Variants in RYR3 observed in about 807,000 individuals in gnomAD.
The protein encoded by RYR3 is ryanodine receptor 3, also known as brain ryanodine receptor-calcium release channel.
Under a neutral mutation model 584.3 loss-of-function variants are expected in RYR3, and 207 were observed. That is an observed-to-expected ratio of 0.35 (90% CI 0.32 to 0.40). The LOEUF is 0.40. RYR3 is among the 10% of genes least tolerant of loss of function. The probability of loss-of-function intolerance (pLI) is 1.00; values close to 1 mark genes in which losing one functional copy is unlikely to be tolerated. For synonymous variants in RYR3, 2,416 were observed against 2,248.5 expected (o/e 1.07, Z -2.11); for missense variants, 5,616 against 6,089.2 (o/e 0.92, Z 2.59).
At chr15:33,312,157 G>A (rs1377801346) in intron 1 of RYR3, among the ~76,000 whole-genome samples, 1 of 152,170 alleles carries the variant, frequency 6.6e-6, no homozygotes, top group Non-Finnish European at 1.5e-5. Context: ...TTTTATATGC[G>A]CTGCCTTGCT....
rs1193929567 is a variant in RYR3 at position 33,636,421 on chromosome 15, C to A, written c.3427C>A (p.Gln1143Lys). The A allele has an allele frequency of 6.2e-7, 1 of 1,613,928 alleles. No homozygotes were observed. The highest frequency in any genetic ancestry group is 8.5e-7 in the Non-Finnish European group (1 of 1,179,844). The change falls in exon 27 of 104, where the codon CAG (glutamine) becomes AAG (lysine). Residue 1143 changes from glutamine (Q) to lysine (K), a missense_variant. Around this residue, in one of 9 missense-constraint regions of RYR3, gnomAD observed 152 missense variants for 200.9 expected, o/e 0.76. Coordinates refer to ENST00000634891, the MANE Select transcript of RYR3 (RefSeq NM_001036.6). ...AAGTGGGTATTTTGGGCGTACCTGG[C>A]AGCCAGGGGATGTGGTCGGATGTAT... ...QGSGYFGRTW[Q>K]PGDVVGCMIN...
chr15:33,835,333 C>G (rs1460361683), intron 87 of RYR3, among the ~76,000 whole-genome samples: 1 of 152,218 alleles, frequency 6.6e-6, no homozygotes, highest in Non-Finnish European at 1.5e-5. Flanking sequence ...ATTGCCTCAA[C>G]ATTTGCTTTC....
At chr15:33,395,205 CT>C (rs1444622090) in intron 1 of RYR3, among the ~76,000 whole-genome samples, 1 of 152,228 alleles carries the variant, frequency 6.6e-6, no homozygotes, top group African/African-American at 2.4e-5. Context: ...GTGCTTATAG[CT>C]GTGTACACAT....
chr15:33,664,538 C>T (rs1295783717), intron 36 of RYR3, among the ~76,000 whole-genome samples: 2 of 142,410 alleles, frequency 1.4e-5, no homozygotes, highest in African/African-American at 5.3e-5. Context: ...GAAACCAGAT[C>T]TTTGGATTAT....
chr15:33,571,369 G>T (rs1225263062), intron 12 of RYR3, among the ~76,000 whole-genome samples: 3 of 152,056 alleles, frequency 2.0e-5, no homozygotes, highest in African/African-American at 7.2e-5. Context: ...TGTTAATATG[G>T]TTTATTACAT....
chr15:33,642,546 T>C (rs1456683618), intron 27 of RYR3, among the ~76,000 whole-genome samples: 1 of 152,252 alleles, frequency 6.6e-6, no homozygotes, highest in East Asian at 1.9e-4. Context: ...GATACTTTCT[T>C]CTTCCTTCAC....
rs1196493043 is a variant in RYR3, at chr15:33,726,385, G to T, written c.6913-1G>T. The T allele has an allele frequency of 1.2e-6, 2 of 1,613,060 alleles. No individual in the cohort carries two copies. Among genetic ancestry groups the T allele is most frequent in the Non-Finnish European group, 1.7e-6 (2 of 1,179,574 alleles). On this transcript the variant is annotated splice_acceptor_variant, in intron 45 of 103. Coordinates refer to ENST00000634891, the MANE Select transcript of RYR3 (RefSeq NM_001036.6). LOFTEE classifies it high-confidence loss of function. ...ATGTCATTCTCAACCCTATCTTCCA[G>T]CTCATCCAGACAGGAAAGGGGGAAG...
At chr15:33,358,971 AT>A (rs997101077) in intron 1 of RYR3, among the ~76,000 whole-genome samples, 4 of 152,120 alleles carry the variant, frequency 2.6e-5, no homozygotes, top group Non-Finnish European at 4.4e-5. Flanking sequence ...TATTTTAAGT[AT>A]TTTTCAGGTG....
chr15:33,602,071 C>T (rs1256940194), intron 17 of RYR3, among the ~76,000 whole-genome samples: 1 of 152,190 alleles, frequency 6.6e-6, no homozygotes, highest in African/African-American at 2.4e-5. Context: ...GCACGTGAGT[C>T]ATGTGAACTC....
At chr15:33,787,087 G>A (rs1000261348) in intron 66 of RYR3, among the ~76,000 whole-genome samples, 2 of 152,216 alleles carry the variant, frequency 1.3e-5, no homozygotes, top group African/African-American at 4.8e-5. Context: ...GAGGGAAAGT[G>A]TCACAACGTG....
chr15:33,813,334 C>G, intron 73 of RYR3, 133 bp from the exon 74 acceptor site: 2 of 723,744 alleles, frequency 2.8e-6, no homozygotes, highest in Non-Finnish European at 2.4e-6. Flanking sequence ...TCATCTGCTC[C>G]TGGGTGCATT....
intron 32 of RYR3, 105 bp downstream of exon 32, chr15:33,652,988 T>A: frequency 8.1e-7 from 1 of 1,237,078 alleles, no homozygotes; most frequent in Non-Finnish European, 1.1e-6. Context: ...TGTGTCAAGC[T>A]GATGAGCCCA....
At chr15:33,424,697 T>C (rs1393793597) in intron 1 of RYR3, among the ~76,000 whole-genome samples, 1 of 152,222 alleles carries the variant, frequency 6.6e-6, no homozygotes, top group Non-Finnish European at 1.5e-5. Context: ...TAGGCTCACC[T>C]ATCTCTGTTA....
At chr15:33,810,912 C>T in intron 71 of RYR3, 66 bp from the exon 72 acceptor site, 1 of 1,340,948 alleles carries the variant, frequency 7.5e-7, no homozygotes, top group Non-Finnish European at 1.1e-6. Flanking sequence ...CTCCATACAT[C>T]CCCATATGCT....
chr15:33,704,324 C>T (rs2066528410), intron 42 of RYR3, among the ~76,000 whole-genome samples: 1 of 151,844 alleles, frequency 6.6e-6, no homozygotes, highest in African/African-American at 2.4e-5. Flanking sequence ...TGAAAGAAGT[C>T]CCAGTCAATA....
At chr15:33,483,182 C>T (rs1185321968) in intron 2 of RYR3, among the ~76,000 whole-genome samples, 1 of 151,880 alleles carries the variant, frequency 6.6e-6, no homozygotes, top group East Asian at 1.9e-4. Flanking sequence ...TCTTTCTCCC[C>T]TTCCATTATC....
rs765557026 is a variant in RYR3 at position 33,825,627 on chromosome 15, G to A, written c.11097G>A (p.Glu3699=). Residue 3699 remains glutamate, a synonymous_variant, in exon 82 of 104, where the codon GAG becomes GAA. Transcript: ENST00000634891. ...GTGTCCTTGATTTGAATGCATTTGA[G>A]AGGCAGAATAAAGCTGAAGGCCTGG... ...SCSVLDLNAF[E]RQNKAEGLGM... 6.5e-5 allele frequency: 105 copies of A among 1,610,792 alleles called. No individual in the cohort carries two copies. The highest frequency in any genetic ancestry group is 8.4e-5 in the Non-Finnish European group (99 of 1,177,968).
At chr15:33,727,037 G>A (rs2068519513) in intron 46 of RYR3, among the ~76,000 whole-genome samples, 1 of 152,226 alleles carries the variant, frequency 6.6e-6, no homozygotes, top group Non-Finnish European at 1.5e-5. Flanking sequence ...CTCTGAGGGA[G>A]GCTGATGGAA....
intron 43 of RYR3, 33 bp downstream of exon 43, chr15:33,707,087 C>T: frequency 6.2e-7 from 1 of 1,611,544 alleles, no homozygotes; most frequent in Non-Finnish European, 8.5e-7. Context: ...CCTCTTATAC[C>T]CAGAATAGCA....
Sources: gnomAD v4.1 joint callset for allele counts (sites outside exome capture counted in the v4.1 genomes callset) on GRCh38, gnomAD v4.1.1 for gene constraint, gnomAD v4.1.1 regional missense constraint, MANE v1.5 for transcripts, NCBI Gene and HGNC (gene_info 2026-07-23, HGNC 2026-07-21) for gene names.